Variants in IL1RAPL2 observed in about 807,000 individuals in gnomAD.
IL1RAPL2 encodes X-linked interleukin-1 receptor accessory protein-like 2.
A neutral mutation model predicts 44.1 loss-of-function variants in IL1RAPL2; 3 were observed. The ratio of observed to expected loss-of-function variants is 0.07; its 90% CI spans 0.03 to 0.18. The LOEUF is 0.18. Among genes scored for constraint, IL1RAPL2 ranks in the 10% least tolerant of loss-of-function variants. The probability of loss-of-function intolerance (pLI) is 1.00; values close to 1 mark genes in which losing one functional copy is unlikely to be tolerated. For synonymous variants in IL1RAPL2, 181 were observed against 178.8 expected (o/e 1.01, Z -0.10); for missense variants, 391 against 496.4 (o/e 0.79, Z 2.02).
intron 8 of IL1RAPL2, among the ~76,000 whole-genome samples, chrX:105,742,628 A>G (rs1011465388): frequency 1.8e-5 from 2 of 111,117 alleles, no homozygotes; most frequent in South Asian, 3.8e-4. Context: ...CATCTTCCAA[A>G]TATTTAAATA....
chrX:105,547,558 A>T (rs771928189), intron 6 of IL1RAPL2, among the ~76,000 whole-genome samples: 10 of 111,993 alleles, frequency 8.9e-5, no homozygotes, highest in Non-Finnish European at 1.9e-4. Context: ...GTTCTTCTGG[A>T]TTCACCTGGG....
chrX:104,604,597 A>C (rs1218560367), intron 1 of IL1RAPL2, among the ~76,000 whole-genome samples: 1 of 94,331 alleles, frequency 1.1e-5, no homozygotes, highest in Non-Finnish European at 2.1e-5. Context: ...GCTCAAAATA[A>C]AGGGATGGAG....
intron 6 of IL1RAPL2, among the ~76,000 whole-genome samples, chrX:105,590,813 TTGTG>T (rs199802193): frequency 0.014 from 1,346 of 97,107 alleles, 22 homozygotes; most frequent in South Asian, 0.037. Context: ...TGGCCTGAAT[TTGTG>T]TGTGTGTGTG....
intron 2 of IL1RAPL2, among the ~76,000 whole-genome samples, chrX:104,708,871 G>C (rs1291927468): frequency 9.0e-6 from 1 of 110,621 alleles, no homozygotes; most frequent in Non-Finnish European, 1.9e-5. Context: ...ACACTCCTGG[G>C]CTGCTTTTCT....
At chrX:105,724,284 A>G (rs1353662819) in intron 7 of IL1RAPL2, among the ~76,000 whole-genome samples, 1 of 111,644 alleles carries the variant, frequency 9.0e-6, no homozygotes, top group African/African-American at 3.3e-5. Context: ...TTCAGTAAGT[A>G]TAACATCTGT....
chrX:104,988,116 T>A (rs1474247180), intron 2 of IL1RAPL2, among the ~76,000 whole-genome samples: 1 of 112,320 alleles, frequency 8.9e-6, no homozygotes, highest in African/African-American at 3.2e-5. Context: ...ACTGGTTTTC[T>A]TCTGACCACT....
chrX:104,888,007 A>T (rs1027901343), intron 2 of IL1RAPL2, among the ~76,000 whole-genome samples: 1 of 111,495 alleles, frequency 9.0e-6, no homozygotes, highest in African/African-American at 3.3e-5. Context: ...CTACATGCCC[A>T]TGCTGCAATA....
chrX:104,692,526 G>A (rs751317255), intron 2 of IL1RAPL2, among the ~76,000 whole-genome samples: 2 of 108,054 alleles, frequency 1.9e-5, no homozygotes, highest in African/African-American at 6.8e-5. Flanking sequence ...GACAGGCCCT[G>A]GTGTGTGATG....
chrX:104,617,860 G>T (rs914512968), intron 1 of IL1RAPL2, among the ~76,000 whole-genome samples: 3 of 111,032 alleles, frequency 2.7e-5, no homozygotes, highest in Non-Finnish European at 5.7e-5. Flanking sequence ...TTCCACTTTG[G>T]TTAGGGACCA....
chrX:105,032,027 G>T (rs1414965141), intron 2 of IL1RAPL2, among the ~76,000 whole-genome samples: 3 of 111,557 alleles, frequency 2.7e-5, no homozygotes, highest in African/African-American at 6.5e-5. Context: ...GGTGTTTGTA[G>T]TATTCTCTGA....
Position 104,737,560 on chromosome X carries a change from G to A in IL1RAPL2, c.82+78565G>A, listed in dbSNP as rs569544360. Among the ~76,000 whole-genome samples, 14 of 111,750 alleles carry A rather than the reference G, an allele frequency of 1.3e-4. No homozygotes were observed. In the South Asian group the frequency reaches 5.3e-3, roughly 42 times the overall value. The stretch of plus-strand genomic sequence containing the variant: ...CTTAGCATTTCTTCCAGCATAGAAA[G>A]TAGGCAATTTGAGAACTAGAATCAT... On this transcript the variant is annotated intron_variant, in intron 2 of 10. Transcript: ENST00000372582.
At position 105,457,022 on chromosome X, in the gene IL1RAPL2, A is replaced by T. The variant is rs192967068; in HGVS notation, c.698-27291A>T. The stretch of plus-strand genomic sequence containing the variant: ...TTTCCTGTATAATTGCTGGTTATTT[A>T]TCTAAAGTTATACACACACACACAC... On this transcript the variant is annotated intron_variant, in intron 5 of 10. Coordinates refer to ENST00000372582, the MANE Select transcript of IL1RAPL2 (RefSeq NM_017416.2). Among the ~76,000 whole-genome samples the T allele has an allele frequency of 1.6e-3, 153 of 95,364 alleles. 1 individual carries two copies. The highest frequency in any genetic ancestry group is 6.1e-3 in the African/African-American group (149 of 24,250). 82.8% of individuals were successfully genotyped at this position (95,364 alleles called of 115,157 possible).
chrX:104,725,161 T>A (rs988515824), intron 2 of IL1RAPL2, among the ~76,000 whole-genome samples: 7 of 111,503 alleles, frequency 6.3e-5, no homozygotes, highest in Non-Finnish European at 1.3e-4. Flanking sequence ...TGTGTTAGCT[T>A]GCTGGGAATG....
chrX:104,710,191 T>A (rs1931433850), intron 2 of IL1RAPL2, among the ~76,000 whole-genome samples: 1 of 111,689 alleles, frequency 9.0e-6, no homozygotes, highest in South Asian at 3.7e-4. Flanking sequence ...ACAGCCATGT[T>A]TGTAGCAGCA....
At chrX:105,546,248 A>C (rs1382339044) in intron 6 of IL1RAPL2, among the ~76,000 whole-genome samples, 2 of 111,973 alleles carry the variant, frequency 1.8e-5, no homozygotes, top group East Asian at 5.6e-4. Context: ...ATGTAAAGAT[A>C]ATGATCTAAT....
intron 6 of IL1RAPL2, among the ~76,000 whole-genome samples, chrX:105,714,862 C>T (rs907224299): frequency 8.9e-6 from 1 of 112,139 alleles, no homozygotes; most frequent in Non-Finnish European, 1.9e-5. Context: ...CCTTAACTCC[C>T]ATTCAAAAAG....
intron 2 of IL1RAPL2, among the ~76,000 whole-genome samples, chrX:104,807,850 A>AT (rs1329155071): frequency 2.7e-5 from 3 of 110,527 alleles, no homozygotes; most frequent in Admixed American, 9.7e-5. Context: ...ATTTTGTTCC[A>AT]TTTTTTTCTT....
chrX:105,353,947 T>C (rs2035179139), intron 5 of IL1RAPL2, among the ~76,000 whole-genome samples: 1 of 111,097 alleles, frequency 9.0e-6, no homozygotes, highest in Admixed American at 9.6e-5. Flanking sequence ...CTGATTGCCC[T>C]GGCCAGAACT....
At chrX:105,198,602 A>T (rs2033691308) in intron 3 of IL1RAPL2, among the ~76,000 whole-genome samples, 1 of 112,076 alleles carries the variant, frequency 8.9e-6, no homozygotes, top group African/African-American at 3.2e-5. Flanking sequence ...TAAAGTCCAT[A>T]TATTCTTCAC....
Sources: allele counts gnomAD v4.1 joint callset (sites outside exome capture counted in the v4.1 genomes callset), GRCh38; gene constraint gnomAD v4.1.1; transcripts MANE v1.5; gene names NCBI Gene and HGNC (gene_info 2026-07-23, HGNC 2026-07-21).